Variants in MTARC1 observed in about 807,000 individuals in gnomAD.
MTARC1 encodes the protein mitochondrial amidoxime reducing component 1, also known as mitochondrial amidoxime-reducing component 1.
In MTARC1, 24 loss-of-function variants were observed where a neutral mutation model predicts 33.6. That is an observed-to-expected ratio of 0.72 (90% CI 0.52 to 1.01). The LOEUF is 1.01. Ranked by LOEUF, MTARC1 falls within the 50% of genes least tolerant of loss-of-function variation. The probability of loss-of-function intolerance (pLI) is 0.00; values close to 1 mark genes in which losing one functional copy is unlikely to be tolerated. For synonymous variants in MTARC1, 187 were observed against 189.5 expected (o/e 0.99, Z 0.11); for missense variants, 417 against 445.7 (o/e 0.94, Z 0.58).
rs368618441 is a variant in MTARC1, at chr1:220,796,792, G to A, written c.599G>A (p.Arg200Gln). The change falls in exon 3 of 7, where the codon CGA (arginine) becomes CAA (glutamine). Residue 200 changes from arginine to glutamine, a missense_variant. By Grantham distance (43) the Arg-to-Gln change is conservative (BLOSUM62 1). Coordinates refer to ENST00000366910, the MANE Select transcript of MTARC1 (RefSeq NM_022746.4). ...CCTCATCAAATAGCAGACTTGTTCC[G>A]ACCCAAGGACCAGGTGAGAGGTTCT... ...RRPHQIADLF[R>Q]PKDQIAYSDT... 5.6e-6 allele frequency: 9 copies of A among 1,608,070 alleles called. No individual in the cohort carries two copies. Among genetic ancestry groups the A allele is most frequent in the South Asian group, 4.4e-5 (4 of 89,944 alleles).
intron 1 of MTARC1, among the ~76,000 whole-genome samples, chr1:220,788,011 A>AAAGAAAG (rs1558082174): frequency 8.6e-5 from 13 of 151,924 alleles, no homozygotes; most frequent in African/African-American, 2.4e-4. Context: ...CCGAATCAAA[A>AAAGAAAG]AAAGAAAGAA....
At position 220,786,955 on chromosome 1, in the gene MTARC1, C is replaced by T. The variant is rs1032723356; in HGVS notation, c.11C>T (p.Ala4Val). The change falls in exon 1 of 7, where the codon GCC becomes GTC. Residue 4 changes from alanine to valine, a missense_variant. Transcript: ENST00000366910. MGA[A>V]GSSALARFVL... ...GCGGAGAAGCCAGCCATGGGCGCCG[C>T]CGGCTCCTCCGCGCTGGCGCGCTTT... is the stretch of plus-strand genomic sequence containing the variant. 75 of 1,242,016 alleles carry T rather than the reference C, an allele frequency of 6.0e-5. No individual in the cohort carries two copies. Among genetic ancestry groups the T allele is most frequent in the Non-Finnish European group, 6.6e-5 (66 of 995,582 alleles). The allele number at this position is 1,242,016 out of a possible 1,614,324, so 76.9% of individuals were successfully genotyped here.
rs1673313245 is a variant in MTARC1, at chr1:220,817,870, A to C, written c.*4452A>C. On this transcript the variant is annotated 3_prime_UTR_variant, in exon 7 of 7. Transcript: ENST00000366910. The stretch of plus-strand genomic sequence containing the variant: ...AGTGCTGGGATTACAGTTGTGAGCC[A>C]CCACGCCCGGCCCTAGCTTTTCCTT... 6.6e-6 allele frequency: 1 copy of C among 152,296 alleles called. No homozygotes were observed. Among genetic ancestry groups the C allele is most frequent in the African/African-American group, 2.4e-5 (1 of 41,426 alleles). 9.4% of individuals were successfully genotyped at this position (152,296 alleles called of 1,614,324 possible).
chr1:220,811,343 T>C (rs1673128795), intron 6 of MTARC1, among the ~76,000 whole-genome samples: 1 of 152,280 alleles, frequency 6.6e-6, no homozygotes, highest in Non-Finnish European at 1.5e-5. Flanking sequence ...CATTTGTTCA[T>C]TCATTGTTCA....
chr1:220,789,160 C>T (rs968812910), intron 1 of MTARC1, among the ~76,000 whole-genome samples: 1 of 150,162 alleles, frequency 6.7e-6, no homozygotes, highest in Non-Finnish European at 1.5e-5. Context: ...CTGGCTGGGG[C>T]CGTCAGGGAC....
At chr1:220,813,191 G>A (rs1361187914) in intron 6 of MTARC1, 101 bp from the exon 7 acceptor site, 29 of 1,512,820 alleles carry the variant, frequency 1.9e-5, no homozygotes, top group East Asian at 1.8e-4. Context: ...GTGCCCTCTC[G>A]AGCTGTGCGT....
At chr1:220,787,248 G>T in intron 1 of MTARC1, 29 bp downstream of exon 1, 1 of 1,541,982 alleles carries the variant, frequency 6.5e-7, no homozygotes. Context: ...GCGGGGCAGC[G>T]CTGATCCGGC....
intron 6 of MTARC1, among the ~76,000 whole-genome samples, chr1:220,807,444 A>G (rs1673003669): frequency 6.6e-6 from 1 of 152,136 alleles, no homozygotes; most frequent in Non-Finnish European, 1.5e-5. Flanking sequence ...TTAGCTGGGC[A>G]TGGTGGTGGT....
intron 2 of MTARC1, 141 bp downstream of exon 2, chr1:220,791,805 C>T: frequency 1.1e-6 from 1 of 878,926 alleles, no homozygotes; most frequent in South Asian, 2.3e-5. Flanking sequence ...GAATGAAGTC[C>T]TCAACATTAT....
chr1:220,805,114 G>A lies in MTARC1; in HGVS notation c.815+1G>A, dbSNP rs148687107. 2.5e-6 allele frequency: 4 copies of A among 1,614,030 alleles called. No individual in the cohort carries two copies. Among genetic ancestry groups the A allele is most frequent in the Non-Finnish European group, 3.4e-6 (4 of 1,180,040 alleles). On this transcript the variant is annotated splice_donor_variant, in intron 5 of 6. Transcript: ENST00000366910. LOFTEE classifies it high-confidence loss of function. ...TGAAAAGGGTGATGGCTTGTTCCAGGTAAGGTGCTTTCCTGTCCCTGTGGG... is the reference window on the plus strand; with the variant it reads ...TGAAAAGGGTGATGGCTTGTTCCAGATAAGGTGCTTTCCTGTCCCTGTGGG...
At position 220,805,246 on chromosome 1, in the gene MTARC1, A is replaced by G; in HGVS notation, c.859A>G (p.Arg287Gly). ...TVDPDTGVMSRKEPLETLKSY... is the reference protein window; with the variant it reads ...TVDPDTGVMSGKEPLETLKSY... ...GGACCCAGACACCGGTGTCATGAGC[A>G]GGAAGGAACCGCTGGAAACACTGAA... Residue 287 changes from arginine (R) to glycine (G), a missense_variant, in exon 6 of 7, where the codon AGG becomes GGG. Transcript: ENST00000366910. 1 of 1,613,556 alleles carries G rather than the reference A, an allele frequency of 6.2e-7. No individual in the cohort carries two copies. Among genetic ancestry groups the G allele is most frequent in the African/African-American group, 1.3e-5 (1 of 75,010 alleles).
chr1:220,811,269 A>T (rs1462908652), intron 6 of MTARC1, among the ~76,000 whole-genome samples: 3 of 152,236 alleles, frequency 2.0e-5, no homozygotes, highest in African/African-American at 7.2e-5. Flanking sequence ...TTACAGAGAG[A>T]GGAAATACTC....
At chr1:220,803,131 C>T (rs1291676722) in intron 4 of MTARC1, among the ~76,000 whole-genome samples, 1 of 152,174 alleles carries the variant, frequency 6.6e-6, no homozygotes. Flanking sequence ...ACTCACAGTT[C>T]CACATGGCTG....
rs1408021612 is a variant in MTARC1, at chr1:220,815,512, G to A, written c.*2094G>A. On this transcript the variant is annotated 3_prime_UTR_variant, in exon 7 of 7. Transcript: ENST00000366910. ...GAAACCCTCCTCACTGGGCAGACCT[G>A]TCCTTCTGTGCCTCACAGTGTGAGG... 6.6e-6 allele frequency: 1 copy of A among 152,234 alleles called. No individual in the cohort carries two copies. Among genetic ancestry groups the A allele is most frequent in the Admixed American group, 6.5e-5 (1 of 15,284 alleles). 9.4% of individuals were successfully genotyped at this position (152,234 alleles called of 1,614,324 possible). A position where few individuals can be genotyped will look rare whatever the true frequency, so the allele number is the denominator to read the frequency against.
chr1:220,813,520 C>T lies in MTARC1; in HGVS notation c.*102C>T. 1 of 1,475,856 alleles carries T rather than the reference C, an allele frequency of 6.8e-7. No homozygotes were observed. The highest frequency in any genetic ancestry group is 9.2e-7 in the Non-Finnish European group (1 of 1,091,044). The allele number at this position is 1,475,856 out of a possible 1,614,324, so 91.4% of individuals were successfully genotyped here. A position where few individuals can be genotyped will look rare whatever the true frequency, so the allele number is the denominator to read the frequency against. On this transcript the variant is annotated 3_prime_UTR_variant, in exon 7 of 7. Coordinates refer to ENST00000366910, the MANE Select transcript of MTARC1 (RefSeq NM_022746.4). ...TTCAGAACTGAGACCTCTACATTTT[C>T]TTTAAATTTGTGATTTTCACATTTT... is the stretch of plus-strand genomic sequence containing the variant.
chr1:220,810,619 G>C (rs1226634820), intron 6 of MTARC1, among the ~76,000 whole-genome samples: 3 of 149,900 alleles, frequency 2.0e-5, no homozygotes, highest in South Asian at 4.1e-4. Flanking sequence ...AGGGGCAGCC[G>C]CTCTTTACGG....
chr1:220,813,761 C>T lies in MTARC1; in HGVS notation c.*343C>T, dbSNP rs1673211437. 1 of 211,370 alleles carries T rather than the reference C, an allele frequency of 4.7e-6. No homozygotes were observed. Among genetic ancestry groups the T allele is most frequent in the South Asian group, 8.7e-5 (1 of 11,554 alleles). The allele number at this position is 211,370 out of a possible 1,614,324, so 13.1% of individuals were successfully genotyped here. On this transcript the variant is annotated 3_prime_UTR_variant, in exon 7 of 7. Coordinates refer to ENST00000366910, the MANE Select transcript of MTARC1 (RefSeq NM_022746.4). ...AGACTTGCATCCTGTCACTACCACT[C>T]GTTAGAGAAAGAGAAGAAGAGAAAG...
At chr1:220,789,804 G>C (rs1453495961) in intron 1 of MTARC1, among the ~76,000 whole-genome samples, 1 of 152,194 alleles carries the variant, frequency 6.6e-6, no homozygotes, top group Non-Finnish European at 1.5e-5. Context: ...ATTGAAATAA[G>C]CTAGACACAA....
intron 1 of MTARC1, 142 bp downstream of exon 1, chr1:220,787,361 A>C: frequency 1.5e-6 from 2 of 1,334,636 alleles, no homozygotes; most frequent in Admixed American, 3.6e-5. Context: ...GGGTGAGACA[A>C]GGCCAAAGAG....
Sources: allele counts gnomAD v4.1 joint callset (sites outside exome capture counted in the v4.1 genomes callset), GRCh38; gene constraint gnomAD v4.1.1; transcripts MANE v1.5; gene names NCBI Gene and HGNC (gene_info 2026-07-23, HGNC 2026-07-21).